MIER2: variants seen among roughly 807,000 people sequenced by gnomAD.
MIER2 encodes the protein MIER family member 2.
A neutral mutation model predicts 67.6 loss-of-function variants in MIER2; 30 were observed. The observed-to-expected ratio is 0.44, with a 90% confidence interval of 0.33 to 0.60. The LOEUF (loss-of-function observed/expected upper bound fraction) is 0.60. Ranked by LOEUF, MIER2 falls within the 20% of genes least tolerant of loss-of-function variation. The pLI is 0.02. For missense variants in MIER2, 702 were observed against 745.1 expected (o/e 0.94, Z 0.67); for synonymous variants, 372 against 312.6 (o/e 1.19, Z -2.00).
At chr19:322,326 CT>C (rs1971535862) in intron 7 of MIER2, among the ~76,000 whole-genome samples, 1 of 152,110 alleles carries the variant, frequency 6.6e-6, no homozygotes, top group Non-Finnish European at 1.5e-5. Context: ...GCAAACACTC[CT>C]TAAGTAGAAC....
intron 7 of MIER2, among the ~76,000 whole-genome samples, chr19:324,756 GCTCCAGACAGGGCACC>G (rs1186219260): frequency 6.6e-6 from 1 of 152,246 alleles, no homozygotes; most frequent in African/African-American, 2.4e-5. Flanking sequence ...AGTCCTGGCT[GCTCCAGACAGGGCACC>G]CTCATGGGGG....
chr19:313,752 C>T (rs1971121823), intron 7 of MIER2, 109 bp from the exon 8 acceptor site: 1 of 1,442,054 alleles, frequency 6.9e-7, no homozygotes, highest in East Asian at 2.3e-5. Context: ...GAGGCACTGT[C>T]CGTCCTCCCT....
At chr19:324,445 C>T (rs558143836) in intron 7 of MIER2, among the ~76,000 whole-genome samples, 23 of 138,904 alleles carry the variant, frequency 1.7e-4, no homozygotes, top group Admixed American at 7.4e-4. Context: ...GCAGACGACT[C>T]GAATGACACA....
chr19:335,495 T>C (rs754892222), intron 2 of MIER2, among the ~76,000 whole-genome samples: 1 of 152,188 alleles, frequency 6.6e-6, no homozygotes. Flanking sequence ...CACCGCCTTC[T>C]CTGGGGACTC....
chr19:335,128 G>A (rs956357896), intron 2 of MIER2, among the ~76,000 whole-genome samples: 1 of 152,258 alleles, frequency 6.6e-6, no homozygotes, highest in African/African-American at 2.4e-5. Context: ...ACTGGGATGT[G>A]TCACCATTCC....
At chr19:307,020 C>G in intron 13 of MIER2, 99 bp downstream of exon 13, 2 of 1,386,072 alleles carry the variant, frequency 1.4e-6, no homozygotes, top group Non-Finnish European at 1.9e-6. Flanking sequence ...GTCCTCGGGT[C>G]CTTGGGGCAA....
At chr19:320,216 TAAAC>T (rs1212546920) in intron 7 of MIER2, among the ~76,000 whole-genome samples, 1 of 134,772 alleles carries the variant, frequency 7.4e-6, no homozygotes, top group Non-Finnish European at 1.7e-5. Context: ...CTCTACAAAA[TAAAC>T]AAAAAAAAAA....
intron 1 of MIER2, among the ~76,000 whole-genome samples, chr19:337,911 C>T (rs1376059698): frequency 2.9e-5 from 4 of 137,866 alleles, no homozygotes; most frequent in Non-Finnish European, 4.6e-5. Context: ...CAGTGGCTCA[C>T]GCCTGTAATC....
At chr19:344,581 G>GCC (rs1972658668) in intron 1 of MIER2, 193 bp downstream of exon 1, 1 of 117,908 alleles carries the variant, frequency 8.5e-6, no homozygotes, top group Non-Finnish European at 9.3e-6. Context: ...TTGGGGGGTG[G>GCC]GGGCCGGCCG....
At chr19:334,824 G>T (rs948549035) in intron 2 of MIER2, among the ~76,000 whole-genome samples, 1 of 152,174 alleles carries the variant, frequency 6.6e-6, no homozygotes, top group South Asian at 2.1e-4. Context: ...GCGAGGATTT[G>T]GGGAGCAAGT....
chr19:319,318 C>T (rs368719838), intron 7 of MIER2, among the ~76,000 whole-genome samples: 1 of 152,112 alleles, frequency 6.6e-6, no homozygotes, highest in African/African-American at 2.4e-5. Context: ...GTCAATATTG[C>T]ACCACTGAAC....
intron 8 of MIER2, 49 bp downstream of exon 8, chr19:313,443 A>C (rs764503961): frequency 1.1e-5 from 18 of 1,587,524 alleles, no homozygotes; most frequent in Non-Finnish European, 1.5e-5. Context: ...GCTCTGGCCC[A>C]CGCCACGGCA....
At position 313,421 on chromosome 19, in the gene MIER2, A is replaced by T. The variant is rs1239956920; in HGVS notation, c.807+71T>A. 3 of 1,565,730 alleles carry T rather than the reference A, an allele frequency of 1.9e-6. No homozygotes were observed. The African/African-American group carries it at 4.0e-5, about 21-fold the overall frequency. On this transcript the variant is annotated intron_variant, in intron 8 of 13. Coordinates refer to ENST00000264819, the MANE Select transcript of MIER2 (RefSeq NM_017550.3). ...TCTGCCCTCCCTGGCCCCTGGAGGC[A>T]CTGGGGTGTGAGCTCTGGCCCACGC... is the stretch of plus-strand genomic sequence containing the variant.
chr19:328,064 A>T (rs1971846961), intron 3 of MIER2, 75 bp from the exon 4 acceptor site: 1 of 1,580,550 alleles, frequency 6.3e-7, no homozygotes, highest in African/African-American at 1.4e-5. Context: ...CTCTTGCCTG[A>T]GCCTCACTGG....
intron 7 of MIER2, among the ~76,000 whole-genome samples, chr19:319,003 A>C (rs1449361450): frequency 1.4e-5 from 2 of 141,926 alleles, no homozygotes; most frequent in Non-Finnish European, 3.1e-5. Context: ...CTTGCAGTGA[A>C]CAGAGTTCAC....
At chr19:319,001 G>A (rs1281038615) in intron 7 of MIER2, among the ~76,000 whole-genome samples, 1 of 146,140 alleles carries the variant, frequency 6.8e-6, no homozygotes, top group African/African-American at 2.6e-5. Context: ...AGCTTGCAGT[G>A]AACAGAGTTC....
intron 10 of MIER2, among the ~76,000 whole-genome samples, chr19:310,259 C>T (rs1019426081): frequency 9.9e-5 from 15 of 152,224 alleles, no homozygotes; most frequent in African/African-American, 2.7e-4. Context: ...ACTAACCCAC[C>T]GCCACCCAGA....
At position 327,888 on chromosome 19, in the gene MIER2, G is replaced by T; in HGVS notation, c.345C>A (p.Asn115Lys). Residue 115 changes from asparagine (N) to lysine (K), a missense_variant, in exon 4 of 14, where the codon AAC (asparagine) becomes AAA (lysine). Physicochemically the swap from Asn to Lys is moderately conservative, Grantham distance 94. Around this residue, in one of 3 missense-constraint regions of MIER2, gnomAD observed 320 missense variants for 292.6 expected, o/e 1.09. Coordinates refer to ENST00000264819, the MANE Select transcript of MIER2 (RefSeq NM_017550.3). Reference protein sequence around the residue: ...RESEGGDVAPNLPDMTLDKEQ... With the variant: ...RESEGGDVAPKLPDMTLDKEQ... ...CTTTGTCCAGGGTCATGTCTGGGAG[G>T]TTCGGGGCCACGTCACCACCCTCAC... The T allele has an allele frequency of 1.9e-6, 3 of 1,612,578 alleles. No individual in the cohort carries two copies. Among genetic ancestry groups the T allele is most frequent in the Non-Finnish European group, 2.5e-6 (3 of 1,179,268 alleles).
At chr19:334,297 A>G (rs1334861662) in intron 3 of MIER2, 103 bp downstream of exon 3, 4 of 1,501,766 alleles carry the variant, frequency 2.7e-6, no homozygotes, top group Admixed American at 3.9e-5. Context: ...AAAGATGTAC[A>G]ATTTAGCACT....
Sources: gnomAD v4.1 joint callset for allele counts (sites outside exome capture counted in the v4.1 genomes callset) on GRCh38, gnomAD v4.1.1 for gene constraint, gnomAD v4.1.1 regional missense constraint, MANE v1.5 for transcripts, NCBI Gene and HGNC (gene_info 2026-07-23, HGNC 2026-07-21) for gene names.